DENND11: variants seen among roughly 807,000 people sequenced by gnomAD.
DENND11 encodes DENN domain containing 11.
In DENND11, 34 loss-of-function variants were observed where a neutral mutation model predicts 49.2. That is an observed-to-expected ratio of 0.69 (90% CI 0.53 to 0.92). DENND11 has a LOEUF of 0.92. Among genes scored for constraint, DENND11 ranks in the 40% least tolerant of loss-of-function variants. The pLI is 0.00. For missense variants in DENND11, 475 were observed against 581.6 expected (o/e 0.82, Z 1.88); for synonymous variants, 238 against 230.3 (o/e 1.03, Z -0.30).
Position 141,659,236 on chromosome 7 carries a change from C to G in DENND11, c.*3420G>C, listed in dbSNP as rs549434015. On this transcript the variant is annotated 3_prime_UTR_variant, in exon 9 of 9. Transcript: ENST00000536163. ...GGATGATGGATATGGAAGGCAAAAG[C>G]CTTCTAATTCATTGCAATCATAATT... 9 of 152,306 alleles carry G rather than the reference C, an allele frequency of 5.9e-5. No homozygotes were observed. Among genetic ancestry groups the G allele is most frequent in the African/African-American group, 2.2e-4 (9 of 41,572 alleles). The allele number at this position is 152,306 out of a possible 1,614,324, so 9.4% of individuals were successfully genotyped here.
intron 1 of DENND11, 50 bp downstream of exon 1, chr7:141,701,836 C>CG (rs1563007966): frequency 1.7e-6 from 2 of 1,152,858 alleles, no homozygotes; most frequent in Non-Finnish European, 2.1e-6. Context: ...CCCCAAAGCT[C>CG]GGGGGCACCC....
At chr7:141,665,749 G>A (rs1191994218) in intron 5 of DENND11, among the ~76,000 whole-genome samples, 1 of 151,958 alleles carries the variant, frequency 6.6e-6, no homozygotes, top group African/African-American at 2.4e-5. Context: ...TCCTGGATAT[G>A]AGTGCAGAAA....
chr7:141,686,910 G>A (rs78620131), intron 1 of DENND11, among the ~76,000 whole-genome samples: 5 of 152,046 alleles, frequency 3.3e-5, no homozygotes, highest in South Asian at 2.1e-4. Flanking sequence ...AGGATGCTGC[G>A]TTTGCTTCTG....
chr7:141,699,538 T>TC (rs1366060885), intron 1 of DENND11, among the ~76,000 whole-genome samples: 2 of 151,980 alleles, frequency 1.3e-5, no homozygotes, highest in South Asian at 2.1e-4. Flanking sequence ...AGGACTGCTT[T>TC]CCCCCCACAA....
chr7:141,664,763 T>C (rs1797861520), intron 7 of DENND11, 141 bp downstream of exon 7: 1 of 1,030,408 alleles, frequency 9.7e-7, no homozygotes, highest in South Asian at 1.7e-5. Flanking sequence ...CTTCCCTTCA[T>C]TTCCATCTCC....
intron 1 of DENND11, among the ~76,000 whole-genome samples, chr7:141,689,716 G>A (rs1207670478): frequency 6.6e-6 from 1 of 152,194 alleles, no homozygotes; most frequent in Non-Finnish European, 1.5e-5. Context: ...TTGTACAACA[G>A]AAACCTCCCT....
rs1477509854 is a variant in DENND11, at chr7:141,702,147, C to G, written c.7G>C (p.Glu3Gln). The G allele has an allele frequency of 2.0e-6, 2 of 982,624 alleles. No homozygotes were observed. The highest frequency in any genetic ancestry group is 1.8e-5 in the African/African-American group (1 of 56,748). 60.9% of individuals were successfully genotyped at this position (982,624 alleles called of 1,614,324 possible). The change falls in exon 1 of 9, where the codon GAG becomes CAG. Residue 3 changes from glutamate to glutamine, a missense_variant. By Grantham distance (29) the Glu-to-Gln change is conservative. Transcript: ENST00000536163. ...AGCAGCGGCGCCGCGTCTCCCTGCT[C>G]CACCATGGCTAGGCGAGGCGGAGCC... Reference protein sequence around the residue: MVEQGDAAPLLRW... With the variant: MVQQGDAAPLLRW...
intron 1 of DENND11, among the ~76,000 whole-genome samples, chr7:141,698,337 A>T (rs1452149879): frequency 2.0e-5 from 3 of 152,250 alleles, no homozygotes; most frequent in Admixed American, 1.3e-4. Context: ...CAAGGCTCTA[A>T]ATCATGGGGT....
rs556465656 is a variant in DENND11, at chr7:141,684,034, C to T, written c.527+1444G>A. Among the ~76,000 whole-genome samples, 33 of 152,242 alleles carry T rather than the reference C, an allele frequency of 2.2e-4. 1 individual carries two copies. The highest frequency in any genetic ancestry group is 2.9e-5 in the Non-Finnish European group (2 of 68,006). On this transcript the variant is annotated intron_variant, in intron 3 of 8. Coordinates refer to ENST00000536163, the MANE Select transcript of DENND11 (RefSeq NM_001080392.2). ...CATTGAACTTCTGGGCTCAAGCCAT[C>T]CTCTCACCTCAGCCTCCTAAGTAGC...
At chr7:141,677,911 A>G (rs1798089622) in intron 3 of DENND11, among the ~76,000 whole-genome samples, 1 of 152,222 alleles carries the variant, frequency 6.6e-6, no homozygotes, top group Non-Finnish European at 1.5e-5. Flanking sequence ...TACACCGGAA[A>G]GGTTAATATA....
chr7:141,695,441 C>T (rs1798398061), intron 1 of DENND11, among the ~76,000 whole-genome samples: 1 of 152,190 alleles, frequency 6.6e-6, no homozygotes, highest in Admixed American at 6.5e-5. Flanking sequence ...GAATGAAGCG[C>T]TATCAGGGCT....
intron 3 of DENND11, among the ~76,000 whole-genome samples, chr7:141,679,981 A>C (rs1798124788): frequency 6.6e-6 from 1 of 152,240 alleles, no homozygotes; most frequent in African/African-American, 2.4e-5. Flanking sequence ...TGCAAATGGC[A>C]CAACCTCTAT....
rs1797799946 is a variant in DENND11 at position 141,661,833 on chromosome 7, G to A, written c.*823C>T. 3 of 152,218 alleles carry A rather than the reference G, an allele frequency of 2.0e-5. No homozygotes were observed. The highest frequency in any genetic ancestry group is 2.0e-4 in the Admixed American group (3 of 15,280). The allele number at this position is 152,218 out of a possible 1,614,324, so 9.4% of individuals were successfully genotyped here. ...TTTAAAAATACCCAACTTACTCCAA[G>A]AGCATTATTGAACCCTTAAGAGACT... On this transcript the variant is annotated 3_prime_UTR_variant, in exon 9 of 9. Transcript: ENST00000536163.
At chr7:141,694,710 A>C (rs1584727059) in intron 1 of DENND11, among the ~76,000 whole-genome samples, 1 of 152,338 alleles carries the variant, frequency 6.6e-6, no homozygotes, top group South Asian at 2.1e-4. Context: ...CAAAGCAATC[A>C]ATGTATTAGG....
At position 141,702,119 on chromosome 7, in the gene DENND11, C is replaced by A. The variant is rs1798532541; in HGVS notation, c.35G>T (p.Arg12Leu). ...VEQGDAAPLL[R>L]WAEGPAVSLP... Reference sequence around the variant, plus strand: ...GGAGACGGCGGGGCCCTCGGCCCAGCGCAGCAGCGGCGCCGCGTCTCCCTG... The same window carrying A: ...GGAGACGGCGGGGCCCTCGGCCCAGAGCAGCAGCGGCGCCGCGTCTCCCTG... Residue 12 changes from arginine (R) to leucine (L), a missense_variant, in exon 1 of 9, where the codon CGC becomes CTC. Coordinates refer to ENST00000536163, the MANE Select transcript of DENND11 (RefSeq NM_001080392.2). The A allele has an allele frequency of 1.0e-6, 1 of 983,672 alleles. No individual in the cohort carries two copies. Among genetic ancestry groups the A allele is most frequent in the Non-Finnish European group, 1.2e-6 (1 of 830,242 alleles). The allele number at this position is 983,672 out of a possible 1,614,324, so 60.9% of individuals were successfully genotyped here.
At chr7:141,668,943 A>T (rs1280765299) in intron 4 of DENND11, among the ~76,000 whole-genome samples, 1 of 152,088 alleles carries the variant, frequency 6.6e-6, no homozygotes, top group Non-Finnish European at 1.5e-5. Flanking sequence ...TTTCAAGTCC[A>T]TACTCCATCC....
chr7:141,678,108 C>T (rs1798094116), intron 3 of DENND11, among the ~76,000 whole-genome samples: 1 of 151,994 alleles, frequency 6.6e-6, no homozygotes, highest in Admixed American at 6.6e-5. Flanking sequence ...ACTACAGGTG[C>T]ACACTGCCAC....
In DENND11 at chr7:141,665,309, C is replaced by T. The variant is rs754949573; in HGVS notation, c.830G>A (p.Cys277Tyr). The change falls in exon 6 of 9, where the codon TGC becomes TAC. Residue 277 changes from cysteine (C) to tyrosine (Y), a missense_variant. Coordinates refer to ENST00000536163, the MANE Select transcript of DENND11 (RefSeq NM_001080392.2). ...VGVVCYRVYC[C>Y]CCLANVSLPG... is the part of the protein sequence containing the mutation. The stretch of plus-strand genomic sequence containing the variant: ...CAGTGAAACGTTGGCCAAGCAGCAG[C>T]AGCAGTACACTGTGGGGATAGAGGA... The T allele has an allele frequency of 6.2e-7, 1 of 1,613,908 alleles. No homozygotes were observed. Among genetic ancestry groups the T allele is most frequent in the Non-Finnish European group, 8.5e-7 (1 of 1,179,864 alleles).
intron 5 of DENND11, 134 bp downstream of exon 5, chr7:141,666,153 G>T: frequency 2.2e-6 from 2 of 919,166 alleles, no homozygotes; most frequent in African/African-American, 1.7e-5. Flanking sequence ...CAGCCAATCA[G>T]TTCACTCCCG....
Sources: gnomAD v4.1 joint callset for allele counts (sites outside exome capture counted in the v4.1 genomes callset) on GRCh38, gnomAD v4.1.1 for gene constraint, MANE v1.5 for transcripts, NCBI Gene and HGNC (gene_info 2026-07-23, HGNC 2026-07-21) for gene names.